RTL4: variants seen among roughly 807,000 people sequenced by gnomAD.
RTL4 encodes the protein retrotransposon Gag like 4.
A neutral mutation model predicts 5.3 loss-of-function variants in RTL4; 4 were observed. That is an observed-to-expected ratio of 0.75 (90% CI 0.37 to 1.72). RTL4 has a LOEUF of 1.72. Ranked by LOEUF, RTL4 falls within the 40% of genes most tolerant of loss-of-function variation. The probability of loss-of-function intolerance (pLI) is 0.04; values close to 1 mark genes in which losing one functional copy is unlikely to be tolerated. For synonymous variants in RTL4, 98 were observed against 87.3 expected (o/e 1.12, Z -0.68); for missense variants, 260 against 227.1 (o/e 1.14, Z -0.93).
At chrX:112,431,227 G>C in the RTL4 span, among the ~76,000 whole-genome samples, 2 of 105,407 alleles carry the variant, frequency 1.9e-5, no homozygotes, top group Non-Finnish European at 3.9e-5. Flanking sequence ...TTAGGCTTTG[G>C]TACAACCCTA....
chrX:112,427,594 C>T, the RTL4 span, among the ~76,000 whole-genome samples: 55,372 of 109,118 alleles, frequency 0.51, 11,060 homozygotes, highest in African/African-American at 0.73. Context: ...ATAATTTTTA[C>T]TATTTATTTT....
At chrX:112,328,043 T>C in the RTL4 span, among the ~76,000 whole-genome samples, 6 of 108,382 alleles carry the variant, frequency 5.5e-5, no homozygotes, top group Non-Finnish European at 9.6e-5. Context: ...TACCAGCTGC[T>C]GCAAAATCAT....
chrX:112,455,662 G>A (rs768854608), exon 1 of RTL4: 2 of 1,189,646 alleles, frequency 1.7e-6, no homozygotes, highest in African/African-American at 3.5e-5. Context: ...TCACCAGTAA[G>A]AGGAGACCAG....
At chrX:112,128,004 C>T in the RTL4 span, among the ~76,000 whole-genome samples, 1 of 111,500 alleles carries the variant, frequency 9.0e-6, no homozygotes, top group Non-Finnish European at 1.9e-5. Context: ...AAATAGTCTA[C>T]AAATTCAATG....
the RTL4 span, among the ~76,000 whole-genome samples, chrX:112,272,745 T>A: frequency 9.0e-6 from 1 of 111,546 alleles, no homozygotes; most frequent in Non-Finnish European, 1.9e-5. Context: ...GATTTATACT[T>A]TTTTCCTAGA....
the RTL4 span, among the ~76,000 whole-genome samples, chrX:112,087,568 T>G: frequency 1.8e-5 from 2 of 111,510 alleles, no homozygotes; most frequent in Non-Finnish European, 3.8e-5. Context: ...TGAGCCATGC[T>G]TTATTCTTGA....
the RTL4 span, among the ~76,000 whole-genome samples, chrX:112,085,831 G>A: frequency 8.9e-6 from 1 of 111,823 alleles, no homozygotes; most frequent in Non-Finnish European, 1.9e-5. Flanking sequence ...AGAAAATAAT[G>A]AATATTTTGT....
chrX:112,186,986 A>G, the RTL4 span, among the ~76,000 whole-genome samples: 1 of 111,705 alleles, frequency 9.0e-6, no homozygotes, highest in Non-Finnish European at 1.9e-5. Context: ...TTTTTCTCCC[A>G]GGTTGATGTT....
chrX:112,310,746 A>G, the RTL4 span, among the ~76,000 whole-genome samples: 1 of 78,061 alleles, frequency 1.3e-5, no homozygotes, highest in Non-Finnish European at 2.2e-5. Flanking sequence ...TATATATTAT[A>G]TAAAATAATA....
chrX:112,359,888 G>A, the RTL4 span, among the ~76,000 whole-genome samples: 2 of 111,107 alleles, frequency 1.8e-5, no homozygotes, highest in Non-Finnish European at 1.9e-5. Flanking sequence ...CGTTTTGAAA[G>A]CTACAATTTT....
chrX:112,326,188 T>C, the RTL4 span, among the ~76,000 whole-genome samples: 1 of 111,554 alleles, frequency 9.0e-6, no homozygotes, highest in South Asian at 3.8e-4. Context: ...AGTCTACAGC[T>C]CCCAGCATGA....
chrX:112,343,734 C>A, the RTL4 span, among the ~76,000 whole-genome samples: 1 of 112,024 alleles, frequency 8.9e-6, no homozygotes, highest in Non-Finnish European at 1.9e-5. Context: ...CTGGTCACCA[C>A]TATAATCTGG....
At chrX:112,191,127 T>C in the RTL4 span, among the ~76,000 whole-genome samples, 1 of 112,330 alleles carries the variant, frequency 8.9e-6, no homozygotes, top group African/African-American at 3.2e-5. Context: ...AGCAAAAATG[T>C]CAAGCATGGC....
the RTL4 span, among the ~76,000 whole-genome samples, chrX:112,190,139 CCTTTCTTTCTTTCTTT>C: frequency 0.01 from 789 of 77,144 alleles, 6 homozygotes; most frequent in African/African-American, 0.029. Context: ...GTAGCCTGTC[CCTTTCTTTCTTTCTTT>C]CTTTCTTTCT....
the RTL4 span, among the ~76,000 whole-genome samples, chrX:112,109,254 C>T: frequency 9.0e-6 from 1 of 111,688 alleles, no homozygotes; most frequent in African/African-American, 3.3e-5. Flanking sequence ...TGGTTCCTTC[C>T]AGTGGATTCT....
chrX:112,443,917 T>A, the RTL4 span, among the ~76,000 whole-genome samples: 10 of 111,578 alleles, frequency 9.0e-5, no homozygotes, highest in African/African-American at 3.3e-4. Context: ...GATTGTATCC[T>A]TTGCTGTGCA....
the RTL4 span, among the ~76,000 whole-genome samples, chrX:112,419,044 A>G: frequency 9.9e-6 from 1 of 101,221 alleles, no homozygotes; most frequent in Non-Finnish European, 2.0e-5. Flanking sequence ...ATATATATAT[A>G]TATATATATA....
chrX:112,435,596 A>T, the RTL4 span, among the ~76,000 whole-genome samples: 1 of 111,721 alleles, frequency 9.0e-6, no homozygotes, highest in Admixed American at 9.5e-5. Flanking sequence ...ATTCCCTTGA[A>T]TTTGAGCTCA....
At chrX:112,361,452 G>A in the RTL4 span, among the ~76,000 whole-genome samples, 1 of 111,302 alleles carries the variant, frequency 9.0e-6, no homozygotes, top group African/African-American at 3.3e-5. Flanking sequence ...TCTCTAAAAA[G>A]TCAAACATGC....
Sources: allele counts gnomAD v4.1 joint callset (sites outside exome capture counted in the v4.1 genomes callset), GRCh38; gene constraint gnomAD v4.1.1; transcripts MANE v1.5; gene names NCBI Gene and HGNC (gene_info 2026-07-23, HGNC 2026-07-21).